The following MTUS2 variants were observed in gnomAD, a reference collection of about 807,000 sequenced individuals.
MTUS2 encodes microtubule-associated tumor suppressor candidate 2.
MTUS2 carries 40 observed loss-of-function variants against 114.1 expected under a neutral mutation model. The observed-to-expected ratio is 0.35, with a 90% CI of 0.27 to 0.46. The LOEUF is 0.46. Ranked by LOEUF, MTUS2 falls within the 20% of genes least tolerant of loss-of-function variation. The probability of loss-of-function intolerance (pLI) is 1.00; values close to 1 mark genes in which losing one functional copy is unlikely to be tolerated. For synonymous variants in MTUS2, 688 were observed against 672.0 expected (o/e 1.02, Z -0.37); for missense variants, 1,679 against 1,705.4 (o/e 0.98, Z 0.27).
At chr13:29,445,358 A>C (rs1161464438) in intron 9 of MTUS2, among the ~76,000 whole-genome samples, 1 of 152,158 alleles carries the variant, frequency 6.6e-6, no homozygotes, top group African/African-American at 2.4e-5. Flanking sequence ...TTGAGGGCTC[A>C]GTCCCACAAG....
chr13:29,480,304 G>C lies in MTUS2; in HGVS notation c.3339G>C (p.Ala1113=). 1 of 1,556,214 alleles carries C rather than the reference G, an allele frequency of 6.4e-7. No homozygotes were observed. The highest frequency in any genetic ancestry group is 8.7e-7 in the Non-Finnish European group (1 of 1,150,210). Residue 1113 remains alanine, a synonymous_variant, in exon 10 of 16, where the codon GCG becomes GCC. Coordinates refer to ENST00000612955, the MANE Select transcript of MTUS2 (RefSeq NM_001033602.4). This position sits in a 1 kb window ranked among gnomAD's most constrained non-coding sequence, Gnocchi z 4.4. ...AGCTGCAATTCGAGGCGGAAATGGCGCGCCTGCAGGAGGAGCACGGTGACC... is the reference window on the plus strand; with the variant it reads ...AGCTGCAATTCGAGGCGGAAATGGCCCGCCTGCAGGAGGAGCACGGTGACC... The part of the protein sequence containing the change: ...RLQLQFEAEM[A]RLQEEHGDQL...
At chr13:28,916,439 T>C (rs965249174) in intron 2 of MTUS2, among the ~76,000 whole-genome samples, 1 of 152,008 alleles carries the variant, frequency 6.6e-6, no homozygotes, top group African/African-American at 2.4e-5. Context: ...ACATGGAATA[T>C]CTTTCCATTT....
At chr13:28,977,301 T>G (rs916726555) in intron 2 of MTUS2, among the ~76,000 whole-genome samples, 2 of 152,168 alleles carry the variant, frequency 1.3e-5, no homozygotes, top group African/African-American at 4.8e-5. Flanking sequence ...CAATTGGCCT[T>G]TATTTAGACC....
At chr13:29,213,191 A>G (rs1241913387) in intron 5 of MTUS2, among the ~76,000 whole-genome samples, 1 of 152,186 alleles carries the variant, frequency 6.6e-6, no homozygotes, top group African/African-American at 2.4e-5. Flanking sequence ...GACCAAATAT[A>G]TATGTTTCTT....
intron 5 of MTUS2, among the ~76,000 whole-genome samples, chr13:29,159,808 A>G (rs754267946): frequency 9.5e-4 from 144 of 152,364 alleles, no homozygotes; most frequent in Admixed American, 1.6e-3. Flanking sequence ...GTATATACCT[A>G]TCAGAATGAC....
intron 8 of MTUS2, among the ~76,000 whole-genome samples, chr13:29,388,227 G>T (rs930868694): frequency 1.3e-5 from 2 of 152,066 alleles, no homozygotes; most frequent in Non-Finnish European, 2.9e-5. Context: ...TTTCAGTTTA[G>T]CACCGTGACA....
intron 5 of MTUS2, among the ~76,000 whole-genome samples, chr13:29,207,156 T>G (rs1179061353): frequency 6.6e-6 from 1 of 152,096 alleles, no homozygotes; most frequent in Non-Finnish European, 1.5e-5. Context: ...TCCTAAGTGT[T>G]TTTTGTTTGT....
At chr13:29,205,882 A>G (rs558009310) in intron 5 of MTUS2, among the ~76,000 whole-genome samples, 1 of 152,306 alleles carries the variant, frequency 6.6e-6, no homozygotes, top group East Asian at 1.9e-4. Flanking sequence ...GTGTTCAAGT[A>G]TCTTTTTCAT....
chr13:29,227,941 T>C (rs148871011), intron 5 of MTUS2, among the ~76,000 whole-genome samples: 1 of 152,308 alleles, frequency 6.6e-6, no homozygotes, highest in African/African-American at 2.4e-5. Context: ...CCAAAACATA[T>C]CCAGTTTTAT....
intron 1 of MTUS2, among the ~76,000 whole-genome samples, chr13:28,830,033 C>A (rs780328836): frequency 1.9e-4 from 29 of 152,170 alleles, no homozygotes; most frequent in Non-Finnish European, 3.2e-4. Flanking sequence ...CGTAATCCCT[C>A]AGCAAAGACA....
chr13:29,330,757 T>C (rs1448745214), intron 7 of MTUS2, among the ~76,000 whole-genome samples: 1 of 152,208 alleles, frequency 6.6e-6, no homozygotes, highest in East Asian at 1.9e-4. Flanking sequence ...ATGTGTGGCA[T>C]TATTTCTGAG....
chr13:29,307,881 C>T (rs1341510433), intron 6 of MTUS2: 2 of 568,782 alleles, frequency 3.5e-6, no homozygotes, highest in Non-Finnish European at 6.4e-6. Context: ...TGAGAATCCC[C>T]CCTCCTCAGA....
intron 8 of MTUS2, among the ~76,000 whole-genome samples, chr13:29,366,026 G>T (rs1454730246): frequency 6.6e-6 from 1 of 152,178 alleles, no homozygotes; most frequent in African/African-American, 2.4e-5. Flanking sequence ...GAGTTACTAA[G>T]GGTCCAGTTT....
At chr13:29,051,230 A>G (rs746252298) in intron 4 of MTUS2, among the ~76,000 whole-genome samples, 4 of 152,134 alleles carry the variant, frequency 2.6e-5, no homozygotes, top group Admixed American at 6.5e-5. Context: ...GGTAGAGCCA[A>G]TAGGATTGGA....
intron 4 of MTUS2, among the ~76,000 whole-genome samples, chr13:29,081,016 C>T (rs962677434): frequency 1.3e-5 from 2 of 152,102 alleles, no homozygotes; most frequent in Non-Finnish European, 2.9e-5. Context: ...TGAGCCAACG[C>T]GCCTGGCCCC....
chr13:28,881,982 T>A (rs1336821247), intron 2 of MTUS2, among the ~76,000 whole-genome samples: 1 of 152,212 alleles, frequency 6.6e-6, no homozygotes. Flanking sequence ...TTTCAACAAA[T>A]GGTGCTAGGA....
At chr13:29,116,688 A>G (rs954116496) in intron 5 of MTUS2, among the ~76,000 whole-genome samples, 1 of 152,180 alleles carries the variant, frequency 6.6e-6, no homozygotes, top group South Asian at 2.1e-4. Flanking sequence ...TTCCTTGAAC[A>G]CAGGCACTAA....
intron 2 of MTUS2, among the ~76,000 whole-genome samples, chr13:28,952,307 C>G (rs538646151): frequency 2.0e-5 from 3 of 152,304 alleles, no homozygotes; most frequent in African/African-American, 7.2e-5. Flanking sequence ...CTTGCTCCAT[C>G]AAATATATGA....
intron 2 of MTUS2, among the ~76,000 whole-genome samples, chr13:28,982,354 A>G (rs1028388826): frequency 6.6e-6 from 1 of 152,042 alleles, no homozygotes; most frequent in Non-Finnish European, 1.5e-5. Flanking sequence ...TTTAAAAAAA[A>G]AAAAGAAAAT....
Sources: gnomAD v4.1 joint callset for allele counts (sites outside exome capture counted in the v4.1 genomes callset) on GRCh38, gnomAD v4.1.1 for gene constraint, Gnocchi (gnomAD v3.1) non-coding constraint, MANE v1.5 for transcripts, NCBI Gene and HGNC (gene_info 2026-07-23, HGNC 2026-07-21) for gene names.